The following USP43 variants were observed in gnomAD, a reference collection of about 807,000 sequenced individuals.
The protein encoded by USP43 is ubiquitin carboxyl-terminal hydrolase 43.
A neutral mutation model predicts 90.7 loss-of-function variants in USP43; 33 were observed. The ratio of observed to expected loss-of-function variants is 0.36; its 90% CI spans 0.28 to 0.49. USP43 has a LOEUF of 0.49. Ranked by LOEUF, USP43 falls within the 20% of genes least tolerant of loss-of-function variation. USP43 has a pLI of 0.98. For missense variants in USP43, 1,274 were observed against 1,476.4 expected, an observed-to-expected ratio of 0.86 and a Z score of 2.25; for synonymous variants, 598 against 615.8, an observed-to-expected ratio of 0.97 and a Z score of 0.43.
intron 14 of USP43, among the ~76,000 whole-genome samples, 153 bp downstream of exon 14, chr17:9,712,285 C>T (rs571193029): frequency 6.6e-6 from 1 of 152,308 alleles, no homozygotes; most frequent in African/African-American, 2.4e-5. Flanking sequence ...TCTTCTATGA[C>T]CTGCCCTTCC....
At chr17:9,708,051 A>G (rs1490512392) in intron 12 of USP43, among the ~76,000 whole-genome samples, 1 of 151,720 alleles carries the variant, frequency 6.6e-6, no homozygotes, top group African/African-American at 2.4e-5. Context: ...ATGAGATAGA[A>G]CTAGCTATGT....
chr17:9,728,661 G>C lies in USP43; in HGVS notation c.3043G>C (p.Glu1015Gln), dbSNP rs763979627. 1 of 1,613,436 alleles carries C rather than the reference G, an allele frequency of 6.2e-7. No homozygotes were observed. Among genetic ancestry groups the C allele is most frequent in the East Asian group, 2.2e-5 (1 of 44,870 alleles). ...GGAGAACAGGAGGAATGAGAGGGCAGAGGTCTCTCCACAGGTGCCCCCCGT... is the reference window on the plus strand; with the variant it reads ...GGAGAACAGGAGGAATGAGAGGGCACAGGTCTCTCCACAGGTGCCCCCCGT... Reference protein sequence around the residue: ...KKENRRNERAEVSPQVPPVSL... With the variant: ...KKENRRNERAQVSPQVPPVSL... The change falls in exon 15 of 15, where the codon GAG becomes CAG. Residue 1015 changes from glutamate to glutamine, a missense_variant. By Grantham distance (29) the Glu-to-Gln change is conservative. Around this residue, in one of 6 missense-constraint regions of USP43, gnomAD observed 353 missense variants for 329.7 expected, o/e 1.07. Coordinates refer to ENST00000285199, the MANE Select transcript of USP43 (RefSeq NM_153210.5). The surrounding 1 kb of genome is among the most constrained non-coding windows in gnomAD (Gnocchi z 6.2).
intron 5 of USP43, among the ~76,000 whole-genome samples, chr17:9,679,171 G>A (rs1027098018): frequency 3.3e-5 from 5 of 151,960 alleles, no homozygotes; most frequent in Non-Finnish European, 7.4e-5. Context: ...CTTTGATTCA[G>A]GTTTTTAAAT....
intron 12 of USP43, among the ~76,000 whole-genome samples, chr17:9,703,569 G>T (rs1001140149): frequency 6.6e-6 from 1 of 152,218 alleles, no homozygotes; most frequent in African/African-American, 2.4e-5. Context: ...GCCACCACCT[G>T]CCAGGAAAGA....
chr17:9,725,145 G>T (rs1014430492), intron 14 of USP43, among the ~76,000 whole-genome samples: 2 of 152,204 alleles, frequency 1.3e-5, no homozygotes, highest in Non-Finnish European at 2.9e-5. Flanking sequence ...AGGGGACTGA[G>T]CCTGTCAGCT....
chr17:9,728,516 C>G lies in USP43; in HGVS notation c.2898C>G (p.Ser966Arg), dbSNP rs764841571. 5 of 1,613,918 alleles carry G rather than the reference C, an allele frequency of 3.1e-6. No homozygotes were observed. The East Asian group carries it at 1.1e-4, about 36-fold the overall frequency. The change falls in exon 15 of 15, where the codon AGC becomes AGG. Residue 966 changes from serine to arginine, a missense_variant. Coordinates refer to ENST00000285199, the MANE Select transcript of USP43 (RefSeq NM_153210.5). This position sits in a 1 kb window ranked among gnomAD's most constrained non-coding sequence, Gnocchi z 6.2. The stretch of plus-strand genomic sequence containing the variant: ...GCTTCCAGATGGGAAGCAAAAGCAG[C>G]CCACCCTCCCCCTATATGGGATTCT... ...KESFQMGSKS[S>R]PPSPYMGFSG...
intron 1 of USP43, among the ~76,000 whole-genome samples, chr17:9,653,200 G>T (rs1330061898): frequency 6.6e-6 from 1 of 152,188 alleles, no homozygotes; most frequent in African/African-American, 2.4e-5. Flanking sequence ...AGGTTGTCAG[G>T]TACTATAGCC....
intron 3 of USP43, among the ~76,000 whole-genome samples, chr17:9,673,244 C>T (rs924654107): frequency 3.3e-5 from 5 of 152,284 alleles, no homozygotes; most frequent in South Asian, 2.1e-4. Flanking sequence ...CAGTGGCTCA[C>T]GCCTGTAATC....
At chr17:9,657,472 C>T (rs762392042) in intron 2 of USP43, among the ~76,000 whole-genome samples, 1 of 151,006 alleles carries the variant, frequency 6.6e-6, no homozygotes, top group African/African-American at 2.4e-5. Context: ...TGCACTCCAG[C>T]CTGGGTGACA....
chr17:9,701,620 C>T lies in USP43; in HGVS notation c.1931C>T (p.Thr644Ile). ...TGGAAGCAGCCGGACTGCCTGCCCA[C>T]CAGTTACCCGCTGGACTTCCTGTAC... The part of the protein sequence containing the change: ...PSWKQPDCLP[T>I]SYPLDFLYDL... The change falls in exon 12 of 15, where the codon ACC becomes ATC. Residue 644 changes from threonine (T) to isoleucine (I), a missense_variant. Physicochemically the swap from Thr to Ile is moderately conservative, Grantham distance 89 (BLOSUM62 -1). This residue lies in a region of USP43 where 285 missense variants were observed against 349.6 expected (regional missense o/e 0.82). Transcript: ENST00000285199. The surrounding 1 kb of genome is among the most constrained non-coding windows in gnomAD (Gnocchi z 7.2). The T allele has an allele frequency of 6.3e-7, 1 of 1,588,320 alleles. No homozygotes were observed. Among genetic ancestry groups the T allele is most frequent in the Non-Finnish European group, 8.6e-7 (1 of 1,168,178 alleles).
In USP43 at chr17:9,728,102, C is replaced by T. The variant is rs762026752; in HGVS notation, c.2484C>T (p.Ala828=). ...SFGSKEKPPG[A]SVELVEYLES... ...GATCCAAGGAGAAACCACCAGGTGC[C>T]TCCGTCGAGTTGGTGGAGTACTTGG... Residue 828 remains alanine, a synonymous_variant, in exon 15 of 15, where the codon GCC becomes GCT. Coordinates refer to ENST00000285199, the MANE Select transcript of USP43 (RefSeq NM_153210.5). The surrounding 1 kb of genome is among the most constrained non-coding windows in gnomAD (Gnocchi z 6.2). 6.8e-6 allele frequency: 11 copies of T among 1,613,828 alleles called. No individual in the cohort carries two copies. In the East Asian group the frequency reaches 1.6e-4, roughly 23 times the overall value.
intron 4 of USP43, among the ~76,000 whole-genome samples, chr17:9,676,154 GT>G (rs2151973037): frequency 6.6e-6 from 1 of 152,296 alleles, no homozygotes; most frequent in Non-Finnish European, 1.5e-5. Context: ...AAACTTTGGA[GT>G]TTGTTTTTGT....
At chr17:9,682,239 A>C in intron 6 of USP43, among the ~76,000 whole-genome samples, 1 of 152,182 alleles carries the variant, frequency 6.6e-6, no homozygotes. Flanking sequence ...GGTGACTTGA[A>C]ATATATTAGT....
chr17:9,699,974 G>A (rs565474806), intron 9 of USP43, among the ~76,000 whole-genome samples, 198 bp from the exon 10 acceptor site: 3 of 152,324 alleles, frequency 2.0e-5, no homozygotes, highest in South Asian at 4.1e-4. Flanking sequence ...GGCACTGTGA[G>A]GTTGGTCTGA....
intron 1 of USP43, among the ~76,000 whole-genome samples, chr17:9,648,849 G>C (rs1911641717): frequency 6.6e-6 from 1 of 151,218 alleles, no homozygotes; most frequent in South Asian, 2.1e-4. Context: ...TTCTCTTTCT[G>C]TTTCTCTTTC....
At chr17:9,705,507 C>A (rs1006918978) in intron 12 of USP43, among the ~76,000 whole-genome samples, 1 of 152,146 alleles carries the variant, frequency 6.6e-6, no homozygotes, top group Admixed American at 6.5e-5. Context: ...GTAATCCCAG[C>A]ACTTTGGGAG....
chr17:9,666,356 G>A (rs113712362), intron 2 of USP43, among the ~76,000 whole-genome samples: 2,859 of 152,236 alleles, frequency 0.019, 75 homozygotes, highest in African/African-American at 0.056. Context: ...GCGCAGGGCC[G>A]TCCATCCAGG....
At chr17:9,685,746 T>C (rs1339325548) in intron 7 of USP43, among the ~76,000 whole-genome samples, 1 of 152,224 alleles carries the variant, frequency 6.6e-6, no homozygotes, top group Non-Finnish European at 1.5e-5. Context: ...ATGTACATAG[T>C]GTGTAATGAT....
rs1916041245 is a variant in USP43, at chr17:9,709,026, T to C, written c.2012-930T>C. 6.6e-6 allele frequency among the ~76,000 whole-genome samples: 1 copy of C among 152,156 alleles called. No homozygotes were observed. Among genetic ancestry groups the C allele is most frequent in the Non-Finnish European group, 1.5e-5 (1 of 68,034 alleles). On this transcript the variant is annotated intron_variant, in intron 12 of 14. Coordinates refer to ENST00000285199, the MANE Select transcript of USP43 (RefSeq NM_153210.5). The surrounding 1 kb of genome is among the most constrained non-coding windows in gnomAD (Gnocchi z 5.0). ...CACGCAGAATATGCGACAGAGAATA[T>C]ATGTGGCCATATGTGACCTGCAAAG...
Sources: gnomAD v4.1 joint callset for allele counts (sites outside exome capture counted in the v4.1 genomes callset) on GRCh38, gnomAD v4.1.1 for gene constraint, gnomAD v4.1.1 regional missense constraint, Gnocchi (gnomAD v3.1) non-coding constraint, MANE v1.5 for transcripts, NCBI Gene and HGNC (gene_info 2026-07-23, HGNC 2026-07-21) for gene names.